The following C8orf34 variants were observed in gnomAD, a reference collection of about 807,000 sequenced individuals.
C8orf34 encodes chromosome 8 open reading frame 34.
In C8orf34, 65 loss-of-function variants were observed where a neutral mutation model predicts 68.3. The ratio of observed to expected loss-of-function variants is 0.95; its 90% CI spans 0.78 to 1.17. The LOEUF (loss-of-function observed/expected upper bound fraction) is 1.17. Ranked by LOEUF, C8orf34 falls within the 50% of genes most tolerant of loss-of-function variation. C8orf34 has a pLI of 0.00. For missense variants in C8orf34, 664 were observed against 655.4 expected (o/e 1.01, Z -0.14); for synonymous variants, 244 against 241.2 (o/e 1.01, Z -0.11).
At chr8:68,711,616 C>T (rs1213100756) in intron 9 of C8orf34, among the ~76,000 whole-genome samples, 2 of 151,864 alleles carry the variant, frequency 1.3e-5, no homozygotes, top group South Asian at 2.1e-4. Context: ...CCATCAAAGA[C>T]AAAGAAAAAA....
At chr8:68,458,615 G>A (rs530224586) in intron 3 of C8orf34, among the ~76,000 whole-genome samples, 2 of 152,288 alleles carry the variant, frequency 1.3e-5, no homozygotes, top group South Asian at 2.1e-4. Context: ...CCAAAGTTTT[G>A]AAGAATCTGA....
At chr8:68,364,979 C>G (rs1245691625) in intron 1 of C8orf34, among the ~76,000 whole-genome samples, 1 of 150,832 alleles carries the variant, frequency 6.6e-6, no homozygotes, top group Non-Finnish European at 1.5e-5. Context: ...AAAGGATCAA[C>G]AAAATTGATA....
chr8:68,357,327 C>T (rs773592641), intron 1 of C8orf34, among the ~76,000 whole-genome samples: 1 of 152,094 alleles, frequency 6.6e-6, no homozygotes, highest in Non-Finnish European at 1.5e-5. Flanking sequence ...GATAAATACT[C>T]TACTCTGAGG....
At chr8:68,395,390 CACACACAA>C (rs1808660177) in intron 1 of C8orf34, among the ~76,000 whole-genome samples, 1 of 150,428 alleles carries the variant, frequency 6.6e-6, no homozygotes, top group African/African-American at 2.5e-5. Context: ...CACACACACA[CACACACAA>C]ACACACACAC....
chr8:68,357,962 T>G (rs1806818381), intron 1 of C8orf34, among the ~76,000 whole-genome samples: 1 of 152,236 alleles, frequency 6.6e-6, no homozygotes, highest in Admixed American at 6.5e-5. Context: ...TGGGCATTTA[T>G]ACCCCCATTC....
At chr8:68,654,532 C>T (rs1423959363) in intron 8 of C8orf34, among the ~76,000 whole-genome samples, 2 of 152,110 alleles carry the variant, frequency 1.3e-5, no homozygotes, top group Admixed American at 6.5e-5. Flanking sequence ...CTCAACATTG[C>T]TAAATCCAGG....
At chr8:68,547,483 A>T (rs1815922758) in intron 7 of C8orf34, among the ~76,000 whole-genome samples, 1 of 151,762 alleles carries the variant, frequency 6.6e-6, no homozygotes, top group African/African-American at 2.4e-5. Flanking sequence ...AATGTAACAA[A>T]TTCTTTCAGA....
intron 1 of C8orf34, among the ~76,000 whole-genome samples, chr8:68,332,321 C>A (rs1805650968): frequency 6.6e-6 from 1 of 152,144 alleles, no homozygotes; most frequent in Non-Finnish European, 1.5e-5. Flanking sequence ...CACTGACCGG[C>A]GGCGAGAGTT....
At chr8:68,433,266 G>A (rs1351407871) in intron 1 of C8orf34, among the ~76,000 whole-genome samples, 1 of 152,098 alleles carries the variant, frequency 6.6e-6, no homozygotes, top group African/African-American at 2.4e-5. Flanking sequence ...TTTAATGCTA[G>A]TTGTGAACTA....
chr8:68,817,527 G>C (rs751699003), intron 13 of C8orf34, among the ~76,000 whole-genome samples: 2 of 152,142 alleles, frequency 1.3e-5, no homozygotes, highest in Non-Finnish European at 2.9e-5. Context: ...GGTAATGTGA[G>C]TAAGATGGAG....
chr8:68,355,882 TA>T (rs962330167), intron 1 of C8orf34, among the ~76,000 whole-genome samples: 4 of 152,164 alleles, frequency 2.6e-5, no homozygotes, highest in African/African-American at 9.7e-5. Context: ...GGATCACCCT[TA>T]AATAGCACAC....
At chr8:68,680,105 G>A (rs977908661) in intron 8 of C8orf34, among the ~76,000 whole-genome samples, 5 of 152,074 alleles carry the variant, frequency 3.3e-5, no homozygotes, top group African/African-American at 9.7e-5. Flanking sequence ...CTTCTGCACA[G>A]CAAAGGAAAC....
At chr8:68,615,247 T>C (rs1424921557) in intron 7 of C8orf34, among the ~76,000 whole-genome samples, 1 of 150,752 alleles carries the variant, frequency 6.6e-6, no homozygotes, top group Non-Finnish European at 1.5e-5. Flanking sequence ...AGGGACAATT[T>C]GACTTCCTCT....
At chr8:68,407,087 A>G (rs1331468365) in intron 1 of C8orf34, among the ~76,000 whole-genome samples, 3 of 152,200 alleles carry the variant, frequency 2.0e-5, no homozygotes, top group Non-Finnish European at 4.4e-5. Context: ...TAGAACTGGA[A>G]AAGTAATAAC....
Position 68,818,480 on chromosome 8 carries a change from T to C in C8orf34, c.*234T>C. On this transcript the variant is annotated 3_prime_UTR_variant, in exon 14 of 14. Coordinates refer to ENST00000518698, the MANE Select transcript of C8orf34 (RefSeq NM_052958.4). ...GGAGGCCGGCTGCCTTTTGACATGG[T>C]TAGAGTCCTGGGTTTAGATTACTTT... 2.0e-6 allele frequency: 1 copy of C among 493,886 alleles called. No individual in the cohort carries two copies. Among genetic ancestry groups the C allele is most frequent in the Non-Finnish European group, 3.7e-6 (1 of 273,620 alleles). 30.6% of individuals were successfully genotyped at this position (493,886 alleles called of 1,614,324 possible). A position where few individuals can be genotyped will look rare whatever the true frequency, so the allele number is the denominator to read the frequency against.
At chr8:68,656,058 T>C (rs1327838684) in intron 8 of C8orf34, among the ~76,000 whole-genome samples, 1 of 152,206 alleles carries the variant, frequency 6.6e-6, no homozygotes, top group African/African-American at 2.4e-5. Flanking sequence ...CAGAACCATG[T>C]TGAAGGTCCC....
chr8:68,376,591 T>C (rs981323887), intron 1 of C8orf34, among the ~76,000 whole-genome samples: 13 of 152,014 alleles, frequency 8.6e-5, no homozygotes, highest in African/African-American at 2.7e-4. Flanking sequence ...TTTTCTTTTA[T>C]GTTCTGTGCA....
chr8:68,657,437 T>C (rs1819540723), intron 8 of C8orf34, among the ~76,000 whole-genome samples: 1 of 152,078 alleles, frequency 6.6e-6, no homozygotes. Flanking sequence ...GCACTCTCTA[T>C]AAGGAACAGA....
At chr8:68,770,558 C>T (rs1252783149) in intron 10 of C8orf34, among the ~76,000 whole-genome samples, 1 of 152,188 alleles carries the variant, frequency 6.6e-6, no homozygotes, top group Non-Finnish European at 1.5e-5. Flanking sequence ...TTCTCTCCTT[C>T]TGTCCCTTTT....
Sources: allele counts gnomAD v4.1 joint callset (sites outside exome capture counted in the v4.1 genomes callset), GRCh38; gene constraint gnomAD v4.1.1; transcripts MANE v1.5; gene names NCBI Gene and HGNC (gene_info 2026-07-23, HGNC 2026-07-21).